The following IL1RAPL1 variants were observed in gnomAD, a reference collection of about 807,000 sequenced individuals.
The protein encoded by IL1RAPL1 is interleukin 1 receptor accessory protein like 1.
IL1RAPL1 carries 3 observed loss-of-function variants against 48.4 expected under a neutral mutation model. That is an observed-to-expected ratio of 0.06 (90% CI 0.03 to 0.16). IL1RAPL1 has a LOEUF of 0.16. IL1RAPL1 is among the 10% of genes least tolerant of loss of function. The pLI is 1.00. For synonymous variants in IL1RAPL1, 185 were observed against 187.7 expected, an observed-to-expected ratio of 0.99 and a Z score of 0.12; for missense variants, 349 against 530.6, an observed-to-expected ratio of 0.66 and a Z score of 3.36.
chrX:29,497,157 A>G (rs1170418454), intron 5 of IL1RAPL1, among the ~76,000 whole-genome samples: 1 of 112,020 alleles, frequency 8.9e-6, no homozygotes, highest in Admixed American at 9.5e-5. Context: ...CATTTTGGAA[A>G]AACCCCACGG....
intron 6 of IL1RAPL1, among the ~76,000 whole-genome samples, chrX:29,860,298 C>A (rs1931551139): frequency 8.9e-6 from 1 of 112,009 alleles, no homozygotes; most frequent in Non-Finnish European, 1.9e-5. Context: ...ACTCTAGTAG[C>A]ATATGATGCG....
chrX:29,613,761 CTTTT>C (rs1292640918), intron 5 of IL1RAPL1, among the ~76,000 whole-genome samples: 1 of 44,296 alleles, frequency 2.3e-5, no homozygotes, highest in African/African-American at 9.1e-5. Context: ...GTGTGTGTTT[CTTTT>C]TTTTTTTTTT....
intron 2 of IL1RAPL1, among the ~76,000 whole-genome samples, chrX:29,010,295 G>A (rs1172509774): frequency 9.0e-6 from 1 of 111,710 alleles, no homozygotes; most frequent in African/African-American, 3.3e-5. Context: ...AACAGGTGTG[G>A]TAGGAGTGGG....
intron 5 of IL1RAPL1, among the ~76,000 whole-genome samples, chrX:29,493,322 ACTT>A (rs1310240425): frequency 2.7e-5 from 3 of 112,361 alleles, no homozygotes; most frequent in African/African-American, 6.5e-5. Flanking sequence ...AGATTGGAGA[ACTT>A]TTAGAAATTC....
At chrX:29,893,904 G>C (rs750018458) in intron 6 of IL1RAPL1, among the ~76,000 whole-genome samples, 10 of 111,724 alleles carry the variant, frequency 9.0e-5, no homozygotes, top group Non-Finnish European at 1.9e-4. Flanking sequence ...TGTTGACAGA[G>C]AGACATTTAA....
At chrX:29,602,326 G>T (rs946755309) in intron 5 of IL1RAPL1, among the ~76,000 whole-genome samples, 17 of 111,516 alleles carry the variant, frequency 1.5e-4, no homozygotes, top group Admixed American at 2.9e-4. Flanking sequence ...TCACATTAGA[G>T]GCCAATTTGC....
At chrX:28,778,821 A>G (rs1936387248) in intron 1 of IL1RAPL1, among the ~76,000 whole-genome samples, 1 of 111,852 alleles carries the variant, frequency 8.9e-6, no homozygotes, top group African/African-American at 3.2e-5. Flanking sequence ...TTAAGACTAC[A>G]GTTATCAGCA....
At chrX:28,832,763 G>A (rs1365760620) in intron 2 of IL1RAPL1, among the ~76,000 whole-genome samples, 3 of 100,511 alleles carry the variant, frequency 3.0e-5, no homozygotes, top group Non-Finnish European at 6.1e-5. Flanking sequence ...AACCTTAGTA[G>A]TTTATTTTTG....
intron 6 of IL1RAPL1, among the ~76,000 whole-genome samples, chrX:29,833,707 A>C (rs763240440): frequency 8.9e-6 from 1 of 111,986 alleles, no homozygotes; most frequent in Non-Finnish European, 1.9e-5. Context: ...AATTCTGGTT[A>C]ATAGTGACTG....
chrX:29,306,536 A>G (rs1244615487), intron 3 of IL1RAPL1, among the ~76,000 whole-genome samples: 1 of 99,288 alleles, frequency 1.0e-5, no homozygotes, highest in Non-Finnish European at 2.0e-5. Flanking sequence ...AAAAGAAAAA[A>G]AAAAAAAAAA....
chrX:29,392,036 T>C (rs900067469), intron 3 of IL1RAPL1, among the ~76,000 whole-genome samples: 2 of 112,059 alleles, frequency 1.8e-5, no homozygotes, highest in East Asian at 5.6e-4. Flanking sequence ...CAGAGACAAC[T>C]AGATTTTTTT....
At chrX:29,207,818 A>T (rs1930693609) in intron 2 of IL1RAPL1, among the ~76,000 whole-genome samples, 1 of 112,356 alleles carries the variant, frequency 8.9e-6, no homozygotes, top group South Asian at 3.7e-4. Flanking sequence ...TTACAAATGA[A>T]GGAAGACGTT....
intron 3 of IL1RAPL1, among the ~76,000 whole-genome samples, chrX:29,381,863 T>G (rs1165954395): frequency 1.0e-5 from 1 of 97,168 alleles, no homozygotes; most frequent in Admixed American, 1.1e-4. Flanking sequence ...TATATATATA[T>G]ACATATACTT....
At chrX:29,711,043 GGTGTGT>G (rs768108356) in intron 6 of IL1RAPL1, among the ~76,000 whole-genome samples, 56 of 69,154 alleles carry the variant, frequency 8.1e-4, no homozygotes, top group East Asian at 2.1e-3. Context: ...CCATGAGCAT[GGTGTGT>G]GTGTGTGTGT....
At chrX:29,713,350 C>T (rs1306615389) in intron 6 of IL1RAPL1, among the ~76,000 whole-genome samples, 1 of 111,300 alleles carries the variant, frequency 9.0e-6, no homozygotes, top group Non-Finnish European at 1.9e-5. Flanking sequence ...CATGAGAAGA[C>T]AAGACTTGAT....
intron 2 of IL1RAPL1, among the ~76,000 whole-genome samples, chrX:29,194,638 A>G (rs1322980649): frequency 1.8e-5 from 2 of 112,511 alleles, no homozygotes; most frequent in Non-Finnish European, 3.8e-5. Context: ...GATTTGGTCT[A>G]TAAAAAGTTG....
chrX:29,591,985 A>G (rs1046144190), intron 5 of IL1RAPL1, among the ~76,000 whole-genome samples: 1 of 111,838 alleles, frequency 8.9e-6, no homozygotes, highest in African/African-American at 3.3e-5. Flanking sequence ...GCTGGCAGGC[A>G]GCAGAGTGTG....
At chrX:29,674,413 G>A (rs1050019248) in intron 6 of IL1RAPL1, among the ~76,000 whole-genome samples, 5 of 111,213 alleles carry the variant, frequency 4.5e-5, no homozygotes, top group African/African-American at 1.3e-4. Flanking sequence ...GTGACAGAGC[G>A]AGACCTTGTC....
At chrX:29,341,341 A>G (rs746019665) in intron 3 of IL1RAPL1, among the ~76,000 whole-genome samples, 4 of 112,359 alleles carry the variant, frequency 3.6e-5, no homozygotes, top group Admixed American at 1.9e-4. Flanking sequence ...TGTGGAGCAT[A>G]TAATCTATTC....
Sources: gnomAD v4.1 joint callset for allele counts (sites outside exome capture counted in the v4.1 genomes callset) on GRCh38, gnomAD v4.1.1 for gene constraint, MANE v1.5 for transcripts, NCBI Gene and HGNC (gene_info 2026-07-23, HGNC 2026-07-21) for gene names.